The following WWC2 variants were observed in gnomAD, a reference collection of about 807,000 sequenced individuals.
WWC2 encodes protein WWC2.
In WWC2, 101 loss-of-function variants were observed where a neutral mutation model predicts 138.5. The ratio of observed to expected loss-of-function variants is 0.73; its 90% confidence interval spans 0.62 to 0.86. The LOEUF (loss-of-function observed/expected upper bound fraction) is 0.86, where lower values mean the gene tolerates loss of function less well. WWC2 is among the 40% of genes least tolerant of loss of function. The probability of loss-of-function intolerance (pLI) is 0.00; values close to 1 mark genes in which losing one functional copy is unlikely to be tolerated. For synonymous variants in WWC2, 558 were observed against 538.4 expected, an observed-to-expected ratio of 1.04 and a Z score of -0.50; for missense variants, 1,420 against 1,419.4, an observed-to-expected ratio of 1.00 and a Z score of -0.01.
chr4:183,214,782 C>CAA (rs879308410), intron 4 of WWC2, among the ~76,000 whole-genome samples: 2 of 134,558 alleles, frequency 1.5e-5, no homozygotes, highest in East Asian at 2.1e-4. Context: ...AACTCCGTCT[C>CAA]AAAAAAAAAA....
At chr4:183,279,509 T>G (rs1234444576) in intron 16 of WWC2, among the ~76,000 whole-genome samples, 1 of 152,176 alleles carries the variant, frequency 6.6e-6, no homozygotes, top group Non-Finnish European at 1.5e-5. Context: ...TTAGGGAGGA[T>G]TCCCTCTTTT....
At chr4:183,259,615 G>A (rs1183411108) in intron 9 of WWC2, 24 bp from the exon 10 acceptor site, 1 of 1,461,772 alleles carries the variant, frequency 6.8e-7, no homozygotes, top group East Asian at 2.5e-5. Context: ...ATAATCATTT[G>A]AAAATAATTT....
At chr4:183,240,294 A>G (rs762279269) in intron 5 of WWC2, 32 bp downstream of exon 5, 1 of 1,490,332 alleles carries the variant, frequency 6.7e-7, no homozygotes, top group Non-Finnish European at 9.1e-7. Flanking sequence ...CAACTTTAGA[A>G]TAAGCTCCCT....
At chr4:183,292,263 CACAT>C (rs906373892) in intron 21 of WWC2, among the ~76,000 whole-genome samples, 6 of 151,908 alleles carry the variant, frequency 3.9e-5, no homozygotes, top group African/African-American at 1.4e-4. Context: ...GACACACACA[CACAT>C]ACTCCCAGTG....
At chr4:183,255,795 T>C (rs908772805) in intron 9 of WWC2, among the ~76,000 whole-genome samples, 5 of 152,168 alleles carry the variant, frequency 3.3e-5, no homozygotes, top group Admixed American at 2.6e-4. Context: ...ACTTTGACTT[T>C]TTCCTAAGTA....
intron 21 of WWC2, among the ~76,000 whole-genome samples, chr4:183,300,693 G>A (rs2111099580): frequency 6.6e-6 from 1 of 151,202 alleles, no homozygotes; most frequent in East Asian, 1.9e-4. Context: ...ACAGTCTTCA[G>A]TAAAGTATAT....
chr4:183,179,658 G>C (rs1387455960), intron 1 of WWC2, among the ~76,000 whole-genome samples: 1 of 152,102 alleles, frequency 6.6e-6, no homozygotes. Context: ...AGGTCATTTG[G>C]GGGAGGAATG....
At chr4:183,240,388 T>C in intron 5 of WWC2, 126 bp downstream of exon 5, 1 of 639,722 alleles carries the variant, frequency 1.6e-6, no homozygotes. Flanking sequence ...AGTTCAGAGC[T>C]CTACACCAAA....
intron 4 of WWC2, among the ~76,000 whole-genome samples, chr4:183,216,812 G>A (rs1426017431): frequency 6.6e-6 from 1 of 152,174 alleles, no homozygotes; most frequent in Admixed American, 6.5e-5. Flanking sequence ...GCAAGAGCAG[G>A]CAAGTGCCAG....
chr4:183,306,628 G>A (rs1739030606), intron 21 of WWC2, among the ~76,000 whole-genome samples: 1 of 151,930 alleles, frequency 6.6e-6, no homozygotes, highest in Non-Finnish European at 1.5e-5. Context: ...CCAGGTTCAA[G>A]TGATTCTCTT....
intron 22 of WWC2, among the ~76,000 whole-genome samples, chr4:183,312,869 A>G (rs1225276545): frequency 6.6e-6 from 1 of 152,228 alleles, no homozygotes; most frequent in Admixed American, 6.5e-5. Flanking sequence ...GAACATGTGC[A>G]TTCGTTCTGC....
chr4:183,222,728 C>T lies in WWC2; in HGVS notation c.522+13703C>T, dbSNP rs546441854. On this transcript the variant is annotated intron_variant, in intron 4 of 22. Transcript: ENST00000403733. ...CTCCTAGCACTTTGGGAGGCTGAGG[C>T]GGGCAGATCACTTGAGGCCAGGGGT... 2.6e-5 allele frequency among the ~76,000 whole-genome samples: 4 copies of T among 152,128 alleles called. No homozygotes were observed. In the East Asian group the frequency reaches 5.8e-4, roughly 22 times the overall value.
In WWC2 at chr4:183,158,477, C is replaced by A. The variant is rs574943807; in HGVS notation, c.132-35122C>A. ...TGTGTCTTCACATGGTCTTTCCTGTCTGTGGGTCTGTGTCCTGATCTCCTT... is the reference window on the plus strand; with the variant it reads ...TGTGTCTTCACATGGTCTTTCCTGTATGTGGGTCTGTGTCCTGATCTCCTT... On this transcript the variant is annotated intron_variant, in intron 1 of 22. Transcript: ENST00000403733. 9.9e-5 allele frequency among the ~76,000 whole-genome samples: 15 copies of A among 151,780 alleles called. No homozygotes were observed. The South Asian group carries it at 2.7e-3, about 27-fold the overall frequency.
chr4:183,287,343 T>C (rs935397135), intron 20 of WWC2, among the ~76,000 whole-genome samples: 4 of 152,200 alleles, frequency 2.6e-5, no homozygotes, highest in Non-Finnish European at 5.9e-5. Flanking sequence ...TAAAAGCACC[T>C]AAATTTTTAT....
chr4:183,200,219 T>C (rs544164445), intron 2 of WWC2, among the ~76,000 whole-genome samples: 15 of 26,412 alleles, frequency 5.7e-4, no homozygotes, highest in South Asian at 4.1e-3. Context: ...TTGCCCTTTA[T>C]TCATTTAAGT....
At chr4:183,136,413 TATATC>T (rs1733117274) in intron 1 of WWC2, among the ~76,000 whole-genome samples, 1 of 152,198 alleles carries the variant, frequency 6.6e-6, no homozygotes, top group South Asian at 2.1e-4. Context: ...TAATTTTAGT[TATATC>T]TTATTTCTGG....
intron 15 of WWC2, 36 bp from the exon 16 acceptor site, chr4:183,271,044 T>G: frequency 6.9e-7 from 1 of 1,447,350 alleles, no homozygotes; most frequent in Non-Finnish European, 9.1e-7. Flanking sequence ...TTTCTCTTCC[T>G]TATTTTTTTT....
chr4:183,189,597 G>A (rs914157721), intron 1 of WWC2, among the ~76,000 whole-genome samples: 7 of 152,174 alleles, frequency 4.6e-5, no homozygotes, highest in Non-Finnish European at 1.0e-4. Context: ...GAGCAATTCA[G>A]TGATGTTTCT....
intron 4 of WWC2, among the ~76,000 whole-genome samples, chr4:183,211,921 A>G (rs1735609837): frequency 6.6e-6 from 1 of 151,558 alleles, no homozygotes; most frequent in South Asian, 2.1e-4. Flanking sequence ...TCCTGGGTTC[A>G]GGGGATTCTT....
Sources: allele counts gnomAD v4.1 joint callset (sites outside exome capture counted in the v4.1 genomes callset), GRCh38; gene constraint gnomAD v4.1.1; transcripts MANE v1.5; gene names NCBI Gene and HGNC (gene_info 2026-07-23, HGNC 2026-07-21).